CAPZB: variants seen among roughly 807,000 people sequenced by gnomAD.
The protein encoded by CAPZB is F-actin-capping protein subunit beta.
Under a neutral mutation model 38.1 loss-of-function variants are expected in CAPZB, and 2 were observed. That is an observed-to-expected ratio of 0.05 (90% confidence interval 0.02 to 0.17). The LOEUF (loss-of-function observed/expected upper bound fraction) is 0.17. Among genes scored for constraint, CAPZB ranks in the 10% least tolerant of loss-of-function variants. The pLI is 1.00. For missense variants in CAPZB, 161 were observed against 334.2 expected (o/e 0.48, Z 4.04); for synonymous variants, 107 against 127.4 (o/e 0.84, Z 1.08).
chr1:19,415,230 TC>T lies in CAPZB; in HGVS notation c.93+4430del, dbSNP rs572737388. On this transcript the variant is annotated intron_variant, in intron 2 of 8. Coordinates refer to ENST00000264202, the MANE Select transcript of CAPZB (RefSeq NM_004930.5). The stretch of plus-strand genomic sequence containing the variant: ...GAGACTTTTCTTGAAAACAACAATC[TC>T]CCCCCCTTCATTATCTTGGGCAGGT... Among the ~76,000 whole-genome samples, 13 of 151,736 alleles carry T rather than the reference TC, an allele frequency of 8.6e-5. No individual in the cohort carries two copies. The East Asian group carries it at 1.5e-3, about 18-fold the overall frequency.
intron 1 of CAPZB, among the ~76,000 whole-genome samples, chr1:19,455,047 T>G (rs1465857453): frequency 6.6e-6 from 1 of 152,170 alleles, no homozygotes; most frequent in Non-Finnish European, 1.5e-5. Flanking sequence ...GCAGCCAGGA[T>G]GCGGAGGGCC....
intron 7 of CAPZB, 90 bp from the exon 8 acceptor site, chr1:19,344,524 G>A (rs1000386183): frequency 2.9e-6 from 3 of 1,019,144 alleles, no homozygotes; most frequent in Admixed American, 3.4e-5. Context: ...GCAGTCCCCA[G>A]TGTGGCCACT....
chr1:19,458,765 T>C (rs72653956), intron 1 of CAPZB, among the ~76,000 whole-genome samples: 1,808 of 152,356 alleles, frequency 0.012, 21 homozygotes, highest in Non-Finnish European at 0.018. Context: ...GACACACAAA[T>C]AGAGTGGTCT....
intron 2 of CAPZB, among the ~76,000 whole-genome samples, chr1:19,387,070 C>T (rs1422854893): frequency 7.3e-5 from 7 of 95,642 alleles, no homozygotes; most frequent in Admixed American, 3.1e-4. Context: ...TGCCATGCAC[C>T]ACGCACTATG....
intron 1 of CAPZB, among the ~76,000 whole-genome samples, chr1:19,472,863 G>A (rs955799191): frequency 2.0e-5 from 3 of 151,710 alleles, no homozygotes; most frequent in Non-Finnish European, 4.4e-5. Context: ...GACTACAGGC[G>A]CCCGCCATCA....
chr1:19,361,378 T>G (rs2094051857), intron 4 of CAPZB, among the ~76,000 whole-genome samples: 1 of 152,174 alleles, frequency 6.6e-6, no homozygotes, highest in African/African-American at 2.4e-5. Context: ...AAAAGGGATC[T>G]CCAGGGACTG....
At position 19,394,720 on chromosome 1, in the gene CAPZB, T is replaced by TACAAA. The variant is rs531289388; in HGVS notation, c.94-9099_94-9095dup. 1.9e-3 allele frequency among the ~76,000 whole-genome samples: 285 copies of TACAAA among 151,984 alleles called. 2 individuals carry two copies. Among genetic ancestry groups the TACAAA allele is most frequent in the African/African-American group, 6.5e-3 (270 of 41,440 alleles). On this transcript the variant is annotated intron_variant, in intron 2 of 8. Coordinates refer to ENST00000264202, the MANE Select transcript of CAPZB (RefSeq NM_004930.5). The stretch of plus-strand genomic sequence containing the variant: ...GACAGAGCAAGACTCTGTCTCAAAA[T>TACAAA]ACAAAACAAAACAAAACAAACAAAC...
In CAPZB at chr1:19,380,962, G is replaced by GT. The variant is rs549022597; in HGVS notation, c.216-2310dup. Reference sequence around the variant, plus strand: ...AGGCGGGAGGATCACAAGGTCAGGAGTTTGAGACAAGCCTGGCCAACATGG... The same window carrying GT: ...AGGCGGGAGGATCACAAGGTCAGGAGTTTTGAGACAAGCCTGGCCAACATGG... On this transcript the variant is annotated intron_variant, in intron 3 of 8. Transcript: ENST00000264202. 2.6e-3 allele frequency among the ~76,000 whole-genome samples: 400 copies of GT among 152,304 alleles called. 1 individual carries two copies. The highest frequency in any genetic ancestry group is 9.0e-3 in the African/African-American group (372 of 41,560).
At chr1:19,426,033 G>A (rs1018030129) in intron 1 of CAPZB, among the ~76,000 whole-genome samples, 9 of 152,210 alleles carry the variant, frequency 5.9e-5, no homozygotes, top group Non-Finnish European at 1.3e-4. Flanking sequence ...GGCAGCAGGT[G>A]CAGCAGGCTA....
intron 1 of CAPZB, chr1:19,448,975 G>T: frequency 3.1e-6 from 5 of 1,604,440 alleles, no homozygotes; most frequent in Non-Finnish European, 3.4e-6. Context: ...GGGGGCAAGA[G>T]GAAGTGGAAA....
chr1:19,456,742 G>A (rs1001602863), intron 1 of CAPZB, among the ~76,000 whole-genome samples: 3 of 152,190 alleles, frequency 2.0e-5, no homozygotes, highest in Non-Finnish European at 2.9e-5. Flanking sequence ...CAGAGCGGCC[G>A]ATGGCAGGGG....
At chr1:19,343,550 C>A (rs903011102) in intron 8 of CAPZB, among the ~76,000 whole-genome samples, 2 of 152,226 alleles carry the variant, frequency 1.3e-5, no homozygotes, top group Non-Finnish European at 2.9e-5. Context: ...AGGGCCTCTG[C>A]GAGGAGTGCC....
At chr1:19,409,922 A>G (rs1310731598) in intron 2 of CAPZB, among the ~76,000 whole-genome samples, 2 of 152,234 alleles carry the variant, frequency 1.3e-5, no homozygotes, top group African/African-American at 4.8e-5. Context: ...TTCGTTTAAT[A>G]GTTAATTCTT....
intron 1 of CAPZB, among the ~76,000 whole-genome samples, chr1:19,465,105 G>A (rs560953969): frequency 1.3e-3 from 201 of 152,310 alleles, no homozygotes; most frequent in African/African-American, 4.5e-3. Context: ...GCAGGGGAGA[G>A]TGGAAGACAC....
chr1:19,428,295 C>T (rs192287922), intron 1 of CAPZB, among the ~76,000 whole-genome samples: 9 of 152,082 alleles, frequency 5.9e-5, no homozygotes, highest in South Asian at 2.1e-4. Flanking sequence ...CCCAGCTACA[C>T]GGGAGGCTGA....
At chr1:19,436,272 C>T (rs1216557493) in intron 1 of CAPZB, among the ~76,000 whole-genome samples, 3 of 152,282 alleles carry the variant, frequency 2.0e-5, no homozygotes, top group African/African-American at 2.4e-5. Flanking sequence ...TTTTGTCCCG[C>T]GTATCCACAC....
At chr1:19,368,269 C>T (rs542550708) in intron 4 of CAPZB, among the ~76,000 whole-genome samples, 8 of 152,134 alleles carry the variant, frequency 5.3e-5, no homozygotes, top group South Asian at 2.1e-4. Flanking sequence ...TGGGATGGAG[C>T]GCAGGCGGAC....
At chr1:19,400,102 A>C (rs2094294892) in intron 2 of CAPZB, among the ~76,000 whole-genome samples, 1 of 152,102 alleles carries the variant, frequency 6.6e-6, no homozygotes. Context: ...ACAGAATCCA[A>C]ATTCCCTTCT....
intron 1 of CAPZB, among the ~76,000 whole-genome samples, chr1:19,428,740 C>T (rs1229473980): frequency 2.0e-5 from 3 of 152,128 alleles, no homozygotes; most frequent in East Asian, 1.9e-4. Context: ...AGGCCTGGCT[C>T]TGCCCCGAGC....
Sources: gnomAD v4.1 joint callset for allele counts (sites outside exome capture counted in the v4.1 genomes callset) on GRCh38, gnomAD v4.1.1 for gene constraint, MANE v1.5 for transcripts, NCBI Gene and HGNC (gene_info 2026-07-23, HGNC 2026-07-21) for gene names.